PRMT3: variants seen among roughly 807,000 people sequenced by gnomAD.
PRMT3 encodes the protein protein arginine N-methyltransferase 3.
In PRMT3, 62 loss-of-function variants were observed where a neutral mutation model predicts 71.9. The observed-to-expected ratio is 0.86, with a 90% CI of 0.70 to 1.07. The LOEUF is 1.07. PRMT3 is among the 50% of genes least tolerant of loss of function. PRMT3 has a pLI of 0.00. For missense variants in PRMT3, 663 were observed against 643.0 expected (o/e 1.03, Z -0.34); for synonymous variants, 213 against 220.4 (o/e 0.97, Z 0.30).
chr11:20,508,181 C>T (rs6483699), intron 15 of PRMT3, 123 bp from the exon 16 acceptor site: 509,257 of 509,552 alleles, frequency 1, 254,482 homozygotes, highest in Middle Eastern at 1. Flanking sequence ...GAATATTAAC[C>T]TTAAATAAAG....
intron 7 of PRMT3, among the ~76,000 whole-genome samples, chr11:20,398,055 T>C (rs1182915937): frequency 1.3e-5 from 2 of 151,806 alleles, no homozygotes; most frequent in Non-Finnish European, 2.9e-5. Context: ...CATCAGTCAT[T>C]TGTACATTCC....
Position 20,410,803 on chromosome 11 carries a change from A to G in PRMT3, c.893+2771A>G, listed in dbSNP as rs114831030. Among the ~76,000 whole-genome samples the G allele has an allele frequency of 9.6e-3, 1,455 of 152,190 alleles. 29 individuals are homozygous for G. The highest frequency in any genetic ancestry group is 0.034 in the African/African-American group (1,403 of 41,552). On this transcript the variant is annotated intron_variant, in intron 9 of 15. Coordinates refer to ENST00000331079, the MANE Select transcript of PRMT3 (RefSeq NM_005788.4). Reference sequence around the variant, plus strand: ...TGCATCTATTAGTATTTTTTCTGTTAAGATAGCATCTTCTACATCAGTGGG... The same window carrying G: ...TGCATCTATTAGTATTTTTTCTGTTGAGATAGCATCTTCTACATCAGTGGG...
At chr11:20,499,760 G>A (rs1851415178) in intron 15 of PRMT3, among the ~76,000 whole-genome samples, 2 of 152,134 alleles carry the variant, frequency 1.3e-5, no homozygotes, top group Admixed American at 1.3e-4. Flanking sequence ...TAAACATAAA[G>A]GATCTGGAAA....
chr11:20,505,678 TAGCCAAAATAGAAA>T (rs1851573118), intron 15 of PRMT3, among the ~76,000 whole-genome samples: 1 of 152,124 alleles, frequency 6.6e-6, no homozygotes, highest in Admixed American at 6.6e-5. Context: ...GCAAATAAAA[TAGCCAAAATAGAAA>T]AGTCAAAATA....
intron 9 of PRMT3, among the ~76,000 whole-genome samples, chr11:20,413,357 A>G (rs1849235700): frequency 1.3e-5 from 2 of 152,194 alleles, no homozygotes; most frequent in South Asian, 2.1e-4. Flanking sequence ...AGGAGGCCGC[A>G]TAGCATGCTC....
chr11:20,476,475 G>T (rs577258811), intron 13 of PRMT3, among the ~76,000 whole-genome samples: 1 of 152,290 alleles, frequency 6.6e-6, no homozygotes, highest in South Asian at 2.1e-4. Context: ...GATACACCAA[G>T]CGTGGTGTGG....
At chr11:20,488,770 A>G (rs1001199419) in intron 13 of PRMT3, among the ~76,000 whole-genome samples, 2 of 152,186 alleles carry the variant, frequency 1.3e-5, no homozygotes, top group Non-Finnish European at 2.9e-5. Context: ...AGAAATATTC[A>G]TCACACTAAA....
At chr11:20,470,495 C>T (rs1850617961) in intron 13 of PRMT3, among the ~76,000 whole-genome samples, 1 of 152,162 alleles carries the variant, frequency 6.6e-6, no homozygotes, top group Admixed American at 6.5e-5. Context: ...GTTTGATTTT[C>T]TGTTCCTGCA....
intron 9 of PRMT3, among the ~76,000 whole-genome samples, chr11:20,425,962 A>G (rs1453723056): frequency 6.6e-6 from 1 of 152,270 alleles, no homozygotes; most frequent in Admixed American, 6.5e-5. Flanking sequence ...TACAATGTAC[A>G]TTCTGAGAAT....
chr11:20,397,441 T>C, intron 6 of PRMT3, 136 bp from the exon 7 acceptor site: 1 of 813,032 alleles, frequency 1.2e-6, no homozygotes, highest in Non-Finnish European at 1.9e-6. Context: ...GAGCTTTCAG[T>C]TGTTCAAGAT....
chr11:20,410,647 A>G (rs1055066989), intron 9 of PRMT3, among the ~76,000 whole-genome samples: 5 of 152,066 alleles, frequency 3.3e-5, no homozygotes, highest in African/African-American at 1.2e-4. Context: ...TATTTTTATT[A>G]GTTAGAAGAC....
chr11:20,461,930 C>A, intron 11 of PRMT3, 50 bp from the exon 12 acceptor site: 1 of 1,396,548 alleles, frequency 7.2e-7, no homozygotes, highest in South Asian at 1.8e-5. Flanking sequence ...AATTATATTC[C>A]ATAAGAAAGG....
intron 9 of PRMT3, among the ~76,000 whole-genome samples, chr11:20,416,583 A>G (rs2133336770): frequency 6.6e-6 from 1 of 152,310 alleles, no homozygotes; most frequent in Middle Eastern, 3.4e-3. Context: ...ATTCAAAGCC[A>G]GGTAAATCAT....
At position 20,508,462 on chromosome 11, in the gene PRMT3, G is replaced by A. The variant is rs1314083964; in HGVS notation, c.*49G>A. On this transcript the variant is annotated 3_prime_UTR_variant, in exon 16 of 16. Coordinates refer to ENST00000331079, the MANE Select transcript of PRMT3 (RefSeq NM_005788.4). ...TTGTAGTTTTTAATGTGGGGGTAGA[G>A]TGGGTCAGCAGGAGGGAGCTGGTTT... The A allele has an allele frequency of 4.4e-6, 6 of 1,348,836 alleles. No individual in the cohort carries two copies. Among genetic ancestry groups the A allele is most frequent in the East Asian group, 4.6e-5 (2 of 43,568 alleles). The allele number at this position is 1,348,836 out of a possible 1,614,324, so 83.6% of individuals were successfully genotyped here. A position where few individuals can be genotyped will look rare whatever the true frequency, so the allele number is the denominator to read the frequency against.
chr11:20,452,043 T>C, intron 10 of PRMT3, 87 bp from the exon 11 acceptor site: 1 of 906,164 alleles, frequency 1.1e-6, no homozygotes, highest in Non-Finnish European at 1.6e-6. Flanking sequence ...ATTCTGTAAT[T>C]AAAAGAGTAG....
chr11:20,455,755 G>A (rs1286801248), intron 11 of PRMT3, among the ~76,000 whole-genome samples: 7 of 151,156 alleles, frequency 4.6e-5, no homozygotes, highest in East Asian at 1.9e-4. Flanking sequence ...TGAGAGATGC[G>A]TTGAAGAGAG....
intron 6 of PRMT3, among the ~76,000 whole-genome samples, chr11:20,396,651 G>GT (rs1485873934): frequency 6.6e-6 from 1 of 151,964 alleles, no homozygotes; most frequent in African/African-American, 2.4e-5. Context: ...GGGGTCGGTG[G>GT]GGGGGAATCA....
intron 9 of PRMT3, among the ~76,000 whole-genome samples, chr11:20,409,197 T>G (rs1849138614): frequency 6.6e-6 from 1 of 152,214 alleles, no homozygotes; most frequent in African/African-American, 2.4e-5. Context: ...TAGATTTTAT[T>G]TTATAACTAG....
At chr11:20,444,800 A>G (rs908761044) in intron 10 of PRMT3, among the ~76,000 whole-genome samples, 11 of 152,054 alleles carry the variant, frequency 7.2e-5, no homozygotes, top group African/African-American at 2.7e-4. Flanking sequence ...TATTTTGTCT[A>G]TTAATTCTGT....
Sources: allele counts gnomAD v4.1 joint callset (sites outside exome capture counted in the v4.1 genomes callset), GRCh38; gene constraint gnomAD v4.1.1; transcripts MANE v1.5; gene names NCBI Gene and HGNC (gene_info 2026-07-23, HGNC 2026-07-21).